The following RNFT1 variants were observed in gnomAD, a reference collection of about 807,000 sequenced individuals.
The protein encoded by RNFT1 is E3 ubiquitin-protein ligase RNFT1.
RNFT1 carries 35 observed loss-of-function variants against 53.2 expected under a neutral mutation model. That is an observed-to-expected ratio of 0.66 (90% CI 0.50 to 0.87). The LOEUF is 0.87. Ranked by LOEUF, RNFT1 falls within the 40% of genes least tolerant of loss-of-function variation. RNFT1 has a pLI of 0.00. For synonymous variants in RNFT1, 141 were observed against 172.8 expected (o/e 0.82, Z 1.44); for missense variants, 421 against 515.0 (o/e 0.82, Z 1.77).
intron 1 of RNFT1, 41 bp downstream of exon 1, chr17:59,964,567 C>T: frequency 6.4e-7 from 1 of 1,558,210 alleles, no homozygotes; most frequent in Non-Finnish European, 8.7e-7. Flanking sequence ...CGCCGCGGCC[C>T]CTCGCCGCCT....
In RNFT1 at chr17:59,956,514, C is replaced by A. The variant is rs77495043; in HGVS notation, c.1045G>T (p.Val349Phe). 19 of 1,612,282 alleles carry A rather than the reference C, an allele frequency of 1.2e-5. No homozygotes were observed. Among genetic ancestry groups the A allele is most frequent in the Middle Eastern group, 1.7e-4 (1 of 6,052 alleles). ...FFGHLRTFRQVLRIFFTQPSY... is the reference protein window; with the variant it reads ...FFGHLRTFRQFLRIFFTQPSY... ...GGTTGTGTAAAAAATATTCGTAAAACCTGTCTGAAAGTTCTCAGATGCCCA... is the reference window on the plus strand; with the variant it reads ...GGTTGTGTAAAAAATATTCGTAAAAACTGTCTGAAAGTTCTCAGATGCCCA... Residue 349 changes from valine to phenylalanine, a missense_variant, in exon 7 of 9, where the codon GTT becomes TTT. Val to Phe is a conservative substitution (Grantham distance 50). Transcript: ENST00000305783.
At chr17:59,953,375 A>G (rs994838366) in intron 8 of RNFT1, among the ~76,000 whole-genome samples, 4 of 151,656 alleles carry the variant, frequency 2.6e-5, no homozygotes, top group African/African-American at 7.3e-5. Flanking sequence ...TAGTTTTTTT[A>G]TTTTTAGTAG....
Position 59,964,595 on chromosome 17 carries a change from C to A in RNFT1, c.56+13G>T. On this transcript the variant is annotated intron_variant, in intron 1 of 8. Transcript: ENST00000305783. ...CGCCGCCTCCTCCTCTGCCCGCTTCCCCCAGGCCTAACCTCTCATGACCAG... is the reference window on the plus strand; with the variant it reads ...CGCCGCCTCCTCCTCTGCCCGCTTCACCCAGGCCTAACCTCTCATGACCAG... 6.3e-7 allele frequency: 1 copy of A among 1,595,004 alleles called. No homozygotes were observed. The highest frequency in any genetic ancestry group is 8.5e-7 in the Non-Finnish European group (1 of 1,170,474).
At chr17:59,953,252 ATGGC>A (rs2045232880) in intron 8 of RNFT1, 141 bp from the exon 9 acceptor site, 1 of 655,516 alleles carries the variant, frequency 1.5e-6, no homozygotes, top group African/African-American at 1.9e-5. Context: ...CCGGAGTGCA[ATGGC>A]ACCATCTCGG....
At chr17:59,962,485 C>T (rs1468075265) in intron 3 of RNFT1, 55 bp downstream of exon 3, 1 of 1,174,158 alleles carries the variant, frequency 8.5e-7, no homozygotes, top group African/African-American at 1.5e-5. Flanking sequence ...AATTATTTCT[C>T]TAAAATCTAT....
chr17:59,954,142 T>A lies in RNFT1; in HGVS notation c.1076A>T (p.Tyr359Phe), dbSNP rs2045239786. The A allele has an allele frequency of 6.3e-7, 1 of 1,587,254 alleles. No homozygotes were observed. The highest frequency in any genetic ancestry group is 1.4e-5 in the African/African-American group (1 of 73,568). ...CTGTCTCTTGCTGGCAGCCACTCCA[T>A]AACTCTATGAAGATAGTAAGTTCTG... ...VLRIFFTQPS[Y>F]GVAASKRQCS... Residue 359 changes from tyrosine (Y) to phenylalanine (F), a missense_variant, in exon 8 of 9, where the codon TAT becomes TTT. Coordinates refer to ENST00000305783, the MANE Select transcript of RNFT1 (RefSeq NM_016125.4).
At chr17:59,962,411 C>T (rs1036239676) in intron 3 of RNFT1, 129 bp downstream of exon 3, 15 of 583,502 alleles carry the variant, frequency 2.6e-5, no homozygotes, top group Middle Eastern at 2.9e-4. Flanking sequence ...TTTAACATAA[C>T]GTGGATGTTA....
rs376898864 is a variant in RNFT1 at position 59,956,489 on chromosome 17, G to C, written c.1070C>G (p.Pro357Arg). 3.7e-6 allele frequency: 6 copies of C among 1,609,058 alleles called. No individual in the cohort carries two copies. The highest frequency in any genetic ancestry group is 5.1e-6 in the Non-Finnish European group (6 of 1,176,886). ...RQVLRIFFTQ[P>R]SYGVAASKRQ... Reference sequence around the variant, plus strand: ...TCTTAACTGATAAAAAGTACTTACTGGTTGTGTAAAAAATATTCGTAAAAC... The same window carrying C: ...TCTTAACTGATAAAAAGTACTTACTCGTTGTGTAAAAAATATTCGTAAAAC... Residue 357 changes from proline to arginine, a missense_variant and splice_region_variant, in exon 7 of 9, where the codon CCA becomes CGA. Coordinates refer to ENST00000305783, the MANE Select transcript of RNFT1 (RefSeq NM_016125.4).
rs762689295 is a variant in RNFT1, at chr17:59,963,084, A to G, written c.257T>C (p.Ile86Thr). Residue 86 changes from isoleucine (I) to threonine (T), a missense_variant, in exon 2 of 9, where the codon ATA (isoleucine) becomes ACA (threonine). By Grantham distance (89) the Ile-to-Thr change is moderately conservative (BLOSUM62 -1). Transcript: ENST00000305783. ...SGDVHIQINSIPKECAENASS... is the reference protein window; with the variant it reads ...SGDVHIQINSTPKECAENASS... The stretch of plus-strand genomic sequence containing the variant: ...TGCATTTTCTGCACATTCTTTAGGT[A>G]TGGAGTTTATCTGGATATGAACATC... The G allele has an allele frequency of 3.1e-6, 5 of 1,614,150 alleles. No homozygotes were observed. The Admixed American group carries it at 8.3e-5, about 27-fold the overall frequency.
At chr17:59,958,654 A>T in intron 4 of RNFT1, 1 of 610,882 alleles carries the variant, frequency 1.6e-6, no homozygotes, top group East Asian at 3.5e-5. Context: ...CCCTTCATAG[A>T]ATAAGGAAAA....
At chr17:59,956,721 G>C (rs2045256517) in intron 6 of RNFT1, among the ~76,000 whole-genome samples, 168 bp from the exon 7 acceptor site, 1 of 152,050 alleles carries the variant, frequency 6.6e-6, no homozygotes, top group African/African-American at 2.4e-5. Context: ...TTATAGATTT[G>C]AGCCATCTCA....
intron 7 of RNFT1, among the ~76,000 whole-genome samples, chr17:59,955,960 C>T (rs1249560292): frequency 2.0e-5 from 3 of 152,108 alleles, no homozygotes; most frequent in African/African-American, 7.2e-5. Flanking sequence ...ACACCAGAGA[C>T]TCAATTAATT....
chr17:59,964,171 C>T (rs540972650), intron 1 of RNFT1, among the ~76,000 whole-genome samples: 1 of 152,314 alleles, frequency 6.6e-6, no homozygotes, highest in East Asian at 1.9e-4. Context: ...CTATCCCACA[C>T]TGCCGTGCTT....
intron 8 of RNFT1, among the ~76,000 whole-genome samples, 171 bp from the exon 9 acceptor site, chr17:59,953,282 G>A (rs1161107922): frequency 2.0e-5 from 3 of 149,402 alleles, no homozygotes; most frequent in Admixed American, 6.7e-5. Context: ...TGCAACCTCC[G>A]CCCCCGACTG....
At chr17:59,956,986 T>G (rs892607120) in intron 6 of RNFT1, among the ~76,000 whole-genome samples, 1 of 152,220 alleles carries the variant, frequency 6.6e-6, no homozygotes, top group African/African-American at 2.4e-5. Flanking sequence ...TTTTCCCTAC[T>G]TAGATAATCC....
At chr17:59,962,666 G>A in intron 2 of RNFT1, 50 bp from the exon 3 acceptor site, 1 of 1,425,556 alleles carries the variant, frequency 7.0e-7, no homozygotes, top group Non-Finnish European at 9.7e-7. Context: ...AATCAAAGAG[G>A]ATTATATAAG....
chr17:59,955,703 G>C lies in RNFT1; in HGVS notation c.1071+785C>G, dbSNP rs148624672. ...GAAAAGGCCCTGGCCAGTTAGTCTC[G>C]TTTACTTTGTAGACATAATTCTTTT... On this transcript the variant is annotated intron_variant, in intron 7 of 8. Coordinates refer to ENST00000305783, the MANE Select transcript of RNFT1 (RefSeq NM_016125.4). Among the ~76,000 whole-genome samples, 1,112 of 152,214 alleles carry C rather than the reference G, an allele frequency of 7.3e-3. 8 individuals carry two copies. The highest frequency in any genetic ancestry group is 0.034 in the Middle Eastern group (10 of 294).
chr17:59,964,676 G>C lies in RNFT1; in HGVS notation c.-13C>G. On this transcript the variant is annotated 5_prime_UTR_variant, in exon 1 of 9. Coordinates refer to ENST00000305783, the MANE Select transcript of RNFT1 (RefSeq NM_016125.4). ...AGAACAGCGGCATACACCGCCTCCA[G>C]CCCTTCAGTCGGGGCCATCAACCGC... The C allele has an allele frequency of 6.2e-7, 1 of 1,601,020 alleles. No individual in the cohort carries two copies. Among genetic ancestry groups the C allele is most frequent in the South Asian group, 1.1e-5 (1 of 88,978 alleles).
At chr17:59,955,605 T>C (rs893660559) in intron 7 of RNFT1, among the ~76,000 whole-genome samples, 1 of 152,254 alleles carries the variant, frequency 6.6e-6, no homozygotes, top group Non-Finnish European at 1.5e-5. Context: ...AATTTTATTA[T>C]GTCTTGTCTA....
Sources: allele counts gnomAD v4.1 joint callset (sites outside exome capture counted in the v4.1 genomes callset), GRCh38; gene constraint gnomAD v4.1.1; transcripts MANE v1.5; gene names NCBI Gene and HGNC (gene_info 2026-07-23, HGNC 2026-07-21).